RHCE: variants seen among roughly 807,000 people sequenced by gnomAD.
RHCE encodes the protein blood group Rh(CE) polypeptide.
In RHCE, 22 loss-of-function variants were observed where a neutral mutation model predicts 43.8. That is an observed-to-expected ratio of 0.50 (90% CI 0.36 to 0.72). The LOEUF (loss-of-function observed/expected upper bound fraction) is 0.72. Ranked by LOEUF, RHCE falls within the 30% of genes least tolerant of loss-of-function variation. RHCE has a pLI of 0.00. For missense variants in RHCE, 385 were observed against 525.4 expected, an observed-to-expected ratio of 0.73 and a Z score of 2.61; for synonymous variants, 156 against 210.7, an observed-to-expected ratio of 0.74 and a Z score of 2.25.
intron 4 of RHCE, 144 bp downstream of exon 4, chr1:25,391,850 C>G: frequency 8.5e-7 from 1 of 1,171,576 alleles, no homozygotes; most frequent in Non-Finnish European, 1.3e-6. Flanking sequence ...TTAGCAAACA[C>G]TACTCAAAGA....
intron 1 of RHCE, 51 bp from the exon 2 acceptor site, chr1:25,408,920 T>A: frequency 8.4e-7 from 1 of 1,183,680 alleles, no homozygotes; most frequent in African/African-American, 1.4e-5. Context: ...AGACGAGATT[T>A]AGGGTGGTAT....
chr1:25,423,517 T>C (rs1402818656), upstream of RHCE, among the ~76,000 whole-genome samples: 1 of 152,230 alleles, frequency 6.6e-6, no homozygotes, highest in East Asian at 1.9e-4. Flanking sequence ...CAGCAGGGAC[T>C]GACTGCTTGA....
chr1:25,386,404 C>T (rs1646161867), intron 6 of RHCE, among the ~76,000 whole-genome samples: 1 of 152,216 alleles, frequency 6.6e-6, no homozygotes, highest in Non-Finnish European at 1.5e-5. Context: ...CCTCTAGATC[C>T]CTACTCAGTA....
rs1269158744 is a variant in RHCE at position 25,404,172 on chromosome 1, A to AC, written c.336-1427_336-1426insG. 1.1e-4 allele frequency among the ~76,000 whole-genome samples: 17 copies of AC among 150,984 alleles called. No individual in the cohort carries two copies. The East Asian group carries it at 3.3e-3, about 29-fold the overall frequency. ...GACAGAGTAAGACTCTGTCTCACAA[A>AC]AAAAAAAAAAAAAAAAAATTCACTC... On this transcript the variant is annotated intron_variant, in intron 2 of 9. Transcript: ENST00000294413.
intron 1 of RHCE, among the ~76,000 whole-genome samples, chr1:25,413,083 C>T (rs1211509107): frequency 6.6e-6 from 1 of 152,118 alleles, no homozygotes; most frequent in Non-Finnish European, 1.5e-5. Context: ...TCGGGCACAG[C>T]TGCTGCCCCT....
At position 25,389,219 on chromosome 1, in the gene RHCE, C is replaced by G; in HGVS notation, c.802-106G>C. On this transcript the variant is annotated intron_variant, in intron 5 of 9. Coordinates refer to ENST00000294413, the MANE Select transcript of RHCE (RefSeq NM_020485.8). ...AACAAGGCAACCCTGTAACATCCTC[C>G]CTGCTTTGCTGATCCTGAAACCACC... 4 of 1,483,092 alleles carry G rather than the reference C, an allele frequency of 2.7e-6. No homozygotes were observed. The South Asian group carries it at 4.6e-5, about 17-fold the overall frequency. 91.9% of individuals were successfully genotyped at this position (1,483,092 alleles called of 1,614,324 possible).
intron 1 of RHCE, among the ~76,000 whole-genome samples, chr1:25,409,696 C>A (rs1647014348): frequency 7.8e-6 from 1 of 127,688 alleles, no homozygotes; most frequent in East Asian, 3.5e-4. Context: ...AGTTACTTAA[C>A]ATCTCTGAGC....
intron 7 of RHCE, chr1:25,385,367 G>C (rs1333344318): frequency 5.1e-6 from 2 of 393,648 alleles, no homozygotes; most frequent in Non-Finnish European, 9.8e-6. Flanking sequence ...TACGCAGTGG[G>C]AGCACGTCCA....
At chr1:25,385,498 T>C (rs1473964868) in intron 7 of RHCE, 1 of 717,352 alleles carries the variant, frequency 1.4e-6, no homozygotes, top group Non-Finnish European at 2.4e-6. Context: ...TAGGTGGTCC[T>C]ATTTGGAAAG....
intron 3 of RHCE, among the ~76,000 whole-genome samples, chr1:25,396,366 A>G (rs1336066484): frequency 1.3e-5 from 2 of 152,238 alleles, no homozygotes; most frequent in Non-Finnish European, 2.9e-5. Context: ...TAAGGTAATC[A>G]TAATATATCA....
exon 2 of RHCE, chr1:25,428,981 T>TC (rs2042826369): frequency 6.6e-6 from 1 of 152,220 alleles, no homozygotes; most frequent in Admixed American, 6.5e-5. Flanking sequence ...GGAGGGTGGG[T>TC]CCCCACTGTG....
chr1:25,373,120 T>A (rs1162161001), intron 8 of RHCE, among the ~76,000 whole-genome samples: 2 of 151,652 alleles, frequency 1.3e-5, no homozygotes, highest in Non-Finnish European at 2.9e-5. Flanking sequence ...AGTTTGCTCA[T>A]GTCAAAAACA....
intron 3 of RHCE, among the ~76,000 whole-genome samples, chr1:25,392,922 TG>T (rs1178898579): frequency 1.3e-5 from 2 of 152,244 alleles, no homozygotes; most frequent in East Asian, 3.9e-4. Context: ...AAAACCCACA[TG>T]GACACGCACT....
At chr1:25,427,662 G>A (rs1571938038) in intron 2 of RHCE, among the ~76,000 whole-genome samples, 1 of 152,334 alleles carries the variant, frequency 6.6e-6, no homozygotes, top group African/African-American at 2.4e-5. Context: ...CTTGGGTCTT[G>A]GCAAGAAGGC....
intron 1 of RHCE, among the ~76,000 whole-genome samples, chr1:25,418,440 T>C (rs2042661895): frequency 1.3e-5 from 2 of 151,134 alleles, no homozygotes; most frequent in East Asian, 2.0e-4. Flanking sequence ...GTAGCTGGGA[T>C]TACAGACGTG....
chr1:25,413,292 C>G (rs1313487573), intron 1 of RHCE, among the ~76,000 whole-genome samples: 2 of 152,184 alleles, frequency 1.3e-5, no homozygotes, highest in African/African-American at 4.8e-5. Context: ...TCCCCCTGCC[C>G]CCTCATCCTC....
chr1:25,403,591 C>T (rs983955222), intron 2 of RHCE, among the ~76,000 whole-genome samples: 2 of 152,100 alleles, frequency 1.3e-5, no homozygotes, highest in South Asian at 2.1e-4. Flanking sequence ...CACCATGAGC[C>T]TGTCAACTAA....
upstream of RHCE, among the ~76,000 whole-genome samples, chr1:25,424,936 C>A (rs534675583): frequency 1.1e-4 from 17 of 152,062 alleles, no homozygotes; most frequent in African/African-American, 2.4e-5. Flanking sequence ...CCTTCCTCAG[C>A]CTCCCAAGTA....
At chr1:25,396,264 T>C (rs1038251175) in intron 3 of RHCE, among the ~76,000 whole-genome samples, 69 of 152,372 alleles carry the variant, frequency 4.5e-4, no homozygotes, top group Middle Eastern at 3.4e-3. Context: ...TAATAAGACA[T>C]GAGAACTAAA....
Sources: allele counts gnomAD v4.1 joint callset (sites outside exome capture counted in the v4.1 genomes callset), GRCh38; gene constraint gnomAD v4.1.1; transcripts MANE v1.5; gene names NCBI Gene and HGNC (gene_info 2026-07-23, HGNC 2026-07-21).